The following ROBO1 variants were observed in gnomAD, a reference collection of about 807,000 sequenced individuals.
ROBO1 encodes the protein roundabout homolog 1.
In ROBO1, 149 loss-of-function variants were observed where a neutral mutation model predicts 195.9. The observed-to-expected ratio is 0.76, with a 90% CI of 0.67 to 0.87. ROBO1 has a LOEUF of 0.87. ROBO1 is among the 40% of genes least tolerant of loss of function. The pLI is 0.00. For missense variants in ROBO1, 1,933 were observed against 2,068.3 expected (o/e 0.93, Z 1.27); for synonymous variants, 816 against 733.2 (o/e 1.11, Z -1.82).
intron 2 of ROBO1, among the ~76,000 whole-genome samples, chr3:79,537,223 C>T (rs1461408281): frequency 6.6e-6 from 1 of 151,844 alleles, no homozygotes; most frequent in Non-Finnish European, 1.5e-5. Context: ...AACTTGAACT[C>T]TAGCTTCTAG....
intron 4 of ROBO1, among the ~76,000 whole-genome samples, chr3:78,779,537 C>A (rs974363079): frequency 3.9e-5 from 6 of 152,138 alleles, no homozygotes; most frequent in Non-Finnish European, 8.8e-5. Flanking sequence ...TAGAGAAATG[C>A]AAATCAAAAC....
intron 3 of ROBO1, among the ~76,000 whole-genome samples, chr3:78,999,007 A>G (rs552243103): frequency 6.6e-6 from 1 of 152,212 alleles, no homozygotes; most frequent in South Asian, 2.1e-4. Context: ...GCAAATCAAA[A>G]CTACAATCCA....
chr3:78,768,408 A>C (rs1022271327), intron 4 of ROBO1, among the ~76,000 whole-genome samples: 1 of 152,068 alleles, frequency 6.6e-6, no homozygotes, highest in Non-Finnish European at 1.5e-5. Context: ...ACTTTAAAAA[A>C]ATATATGTTC....
At chr3:78,832,998 G>C (rs2032366855) in intron 4 of ROBO1, among the ~76,000 whole-genome samples, 1 of 152,128 alleles carries the variant, frequency 6.6e-6, no homozygotes, top group African/African-American at 2.4e-5. Context: ...ATAACGGAGG[G>C]CCTCACATCG....
intron 2 of ROBO1, among the ~76,000 whole-genome samples, chr3:79,364,036 C>T (rs1237312412): frequency 6.6e-6 from 1 of 151,798 alleles, no homozygotes. Flanking sequence ...AACTCCGTCT[C>T]TACTAAAAAT....
chr3:79,295,987 CATATAA>C (rs1305010178), intron 2 of ROBO1, among the ~76,000 whole-genome samples: 1 of 151,912 alleles, frequency 6.6e-6, no homozygotes, highest in Non-Finnish European at 1.5e-5. Context: ...GTTTTGGTTA[CATATAA>C]ATATATAGAA....
intron 4 of ROBO1, among the ~76,000 whole-genome samples, chr3:78,818,211 T>A (rs1024719002): frequency 2.0e-5 from 3 of 152,128 alleles, no homozygotes; most frequent in Non-Finnish European, 2.9e-5. Flanking sequence ...AGACGGTGGA[T>A]CCAGTTCCTT....
chr3:79,144,105 G>A (rs891660573), intron 2 of ROBO1, among the ~76,000 whole-genome samples: 4 of 152,006 alleles, frequency 2.6e-5, no homozygotes, highest in African/African-American at 9.7e-5. Context: ...CCATTGACCT[G>A]TTGAGGAAAT....
At chr3:79,521,089 G>A (rs1437362025) in intron 2 of ROBO1, among the ~76,000 whole-genome samples, 1 of 152,054 alleles carries the variant, frequency 6.6e-6, no homozygotes, top group Non-Finnish European at 1.5e-5. Context: ...TACAGATGGT[G>A]GCTGGAACCC....
chr3:79,345,781 T>C (rs1359879219), intron 2 of ROBO1, among the ~76,000 whole-genome samples: 5 of 152,184 alleles, frequency 3.3e-5, no homozygotes, highest in African/African-American at 1.2e-4. Context: ...ATGAACAATT[T>C]TGCTGAAGCA....
intron 2 of ROBO1, among the ~76,000 whole-genome samples, chr3:79,262,618 AC>A (rs925158341): frequency 1.3e-5 from 2 of 152,094 alleles, no homozygotes; most frequent in African/African-American, 4.8e-5. Context: ...AAGTAAAAAA[AC>A]GTTTTAAATG....
At chr3:79,274,747 T>A (rs73112709) in intron 2 of ROBO1, among the ~76,000 whole-genome samples, 4,246 of 151,510 alleles carry the variant, frequency 0.028, 97 homozygotes, top group Non-Finnish European at 0.045. Context: ...TTAGATCAAC[T>A]AAGAAAAAAA....
At chr3:79,093,200 G>A (rs1234830917) in intron 3 of ROBO1, among the ~76,000 whole-genome samples, 3 of 152,094 alleles carry the variant, frequency 2.0e-5, no homozygotes, top group Middle Eastern at 3.2e-3. Flanking sequence ...GTAACACCAG[G>A]TTTGGAATGA....
intron 2 of ROBO1, among the ~76,000 whole-genome samples, chr3:79,265,080 T>C (rs937057954): frequency 2.6e-5 from 4 of 151,870 alleles, no homozygotes; most frequent in Admixed American, 2.6e-4. Flanking sequence ...AAGTTATTTA[T>C]TAGAAATACC....
intron 2 of ROBO1, among the ~76,000 whole-genome samples, chr3:79,470,255 T>C (rs1195006260): frequency 1.3e-5 from 2 of 152,132 alleles, no homozygotes; most frequent in Non-Finnish European, 2.9e-5. Context: ...TTGATGTCCT[T>C]TGTAGGGACA....
At chr3:79,030,428 C>G (rs2108300493) in intron 3 of ROBO1, among the ~76,000 whole-genome samples, 1 of 152,246 alleles carries the variant, frequency 6.6e-6, no homozygotes, top group South Asian at 2.1e-4. Context: ...AGTAACTCTG[C>G]TCTAGTTAAA....
intron 1 of ROBO1, among the ~76,000 whole-genome samples, chr3:79,636,962 C>A (rs981550638): frequency 7.2e-5 from 11 of 152,094 alleles, no homozygotes; most frequent in Admixed American, 2.0e-4. Flanking sequence ...ATTTTGAAAG[C>A]TTAGAAAAAG....
At chr3:79,004,283 T>C (rs2077572079) in intron 3 of ROBO1, among the ~76,000 whole-genome samples, 1 of 152,210 alleles carries the variant, frequency 6.6e-6, no homozygotes, top group African/African-American at 2.4e-5. Flanking sequence ...TTTTCTGTTT[T>C]TAAAATAACA....
chr3:78,910,775 TCA>T (rs34670048), intron 4 of ROBO1, among the ~76,000 whole-genome samples: 52,713 of 151,748 alleles, frequency 0.35, 9,473 homozygotes, highest in African/African-American at 0.44. Flanking sequence ...GCATTAAAGA[TCA>T]CAGTTTTGAA....
Sources: gnomAD v4.1 joint callset for allele counts (sites outside exome capture counted in the v4.1 genomes callset) on GRCh38, gnomAD v4.1.1 for gene constraint, MANE v1.5 for transcripts, NCBI Gene and HGNC (gene_info 2026-07-23, HGNC 2026-07-21) for gene names.